Variants in PLEK2 observed in about 807,000 individuals in gnomAD.
PLEK2 encodes pleckstrin-2.
PLEK2 carries 29 observed loss-of-function variants against 43.8 expected under a neutral mutation model. That is an observed-to-expected ratio of 0.66 (90% confidence interval 0.49 to 0.90). PLEK2 has a LOEUF of 0.90. PLEK2 is among the 40% of genes least tolerant of loss of function. The pLI is 0.00. For synonymous variants in PLEK2, 162 were observed against 173.2 expected (o/e 0.94, Z 0.51); for missense variants, 398 against 448.1 (o/e 0.89, Z 1.01).
rs760799517 is a variant in PLEK2, at chr14:67,387,468, AAAG to A, written c.935-15_935-13del. 3.8e-6 allele frequency: 6 copies of A among 1,597,098 alleles called. No homozygotes were observed. The East Asian group carries it at 1.4e-4, about 36-fold the overall frequency. On this transcript the variant is annotated splice_polypyrimidine_tract_variant and intron_variant, in intron 8 of 8. Transcript: ENST00000216446. ...ATTCCCTTTAACCCCTAGGCAGAAA[AAAG>A]GGGGAAAAAAATCAGTGATTGAATA...
chr14:67,388,171 T>C, intron 8 of PLEK2, 53 bp downstream of exon 8: 1 of 1,132,400 alleles, frequency 8.8e-7, no homozygotes, highest in South Asian at 1.2e-5. Context: ...ATTACTGAGG[T>C]GCAGGAGGGA....
At chr14:67,392,590 C>T in intron 5 of PLEK2, 72 bp downstream of exon 5, 1 of 1,414,590 alleles carries the variant, frequency 7.1e-7, no homozygotes, top group African/African-American at 1.4e-5. Flanking sequence ...ACTGTGGCCC[C>T]CAGGCCCCCA....
At chr14:67,399,923 C>T (rs767245430) in intron 1 of PLEK2, among the ~76,000 whole-genome samples, 9 of 152,146 alleles carry the variant, frequency 5.9e-5, no homozygotes, top group Non-Finnish European at 1.2e-4. Context: ...TGGGATATTT[C>T]CAAAGCCGAG....
At chr14:67,408,323 A>ATAAAG (rs2086093991) in intron 1 of PLEK2, among the ~76,000 whole-genome samples, 1 of 144,480 alleles carries the variant, frequency 6.9e-6, no homozygotes. Context: ...ATAAAATAAA[A>ATAAAG]TAAAATAAAA....
intron 8 of PLEK2, 141 bp from the exon 9 acceptor site, chr14:67,387,597 A>C: frequency 1.2e-6 from 1 of 852,944 alleles, no homozygotes; most frequent in African/African-American, 1.8e-5. Context: ...CAGTTAGAGA[A>C]TCCTATCAGA....
chr14:67,392,565 A>C (rs1165872025), intron 5 of PLEK2, 97 bp downstream of exon 5: 1 of 1,278,622 alleles, frequency 7.8e-7, no homozygotes, highest in Admixed American at 1.8e-5. Context: ...CCCAAGCCCA[A>C]GGTCTCCTCC....
At position 67,412,088 on chromosome 14, in the gene PLEK2, A is replaced by C. The variant is rs534362123; in HGVS notation, c.-29T>G. ...GCCGCCCGCACGCCAGGGCCACCCC[A>C]GGTGCGCCTTCCCCGCGCCTCGCGC... On this transcript the variant is annotated 5_prime_UTR_variant, in exon 1 of 9. Transcript: ENST00000216446. The C allele has an allele frequency of 2.1e-5, 32 of 1,502,774 alleles. No homozygotes were observed. In the South Asian group the frequency reaches 3.8e-4, roughly 18 times the overall value. The allele number at this position is 1,502,774 out of a possible 1,614,324, so 93.1% of individuals were successfully genotyped here.
intron 2 of PLEK2, 55 bp from the exon 3 acceptor site, chr14:67,395,638 G>A (rs1039592244): frequency 5.7e-5 from 88 of 1,544,478 alleles, no homozygotes; most frequent in Middle Eastern, 1.8e-4. Flanking sequence ...AGAGGACGCC[G>A]GGCAGCAAAA....
At position 67,387,343 on chromosome 14, in the gene PLEK2, T is replaced by G; in HGVS notation, c.1048A>C (p.Lys350Gln). ...TCAGGTCCTTGTCATGTTAGCTTTT[T>G]GATAGCTTCAATCCACTCGGCTCGC... ...AERAEWIEAI[K>Q]KLT The change falls in exon 9 of 9, where the codon AAA becomes CAA. Residue 350 changes from lysine (K) to glutamine (Q), a missense_variant. Coordinates refer to ENST00000216446, the MANE Select transcript of PLEK2 (RefSeq NM_016445.3). 6.2e-7 allele frequency: 1 copy of G among 1,610,302 alleles called. No homozygotes were observed. The highest frequency in any genetic ancestry group is 8.5e-7 in the Non-Finnish European group (1 of 1,178,764).
chr14:67,411,933 C>G (rs1337312231), intron 1 of PLEK2, 85 bp downstream of exon 1: 3 of 1,272,968 alleles, frequency 2.4e-6, no homozygotes, highest in Non-Finnish European at 3.2e-6. Context: ...ATGCCCGTTC[C>G]GGGGCGCGCG....
Position 67,387,405 on chromosome 14 carries a change from T to C in PLEK2, c.986A>G (p.Asp329Gly). 6.2e-7 allele frequency: 1 copy of C among 1,610,828 alleles called. No homozygotes were observed. Among genetic ancestry groups the C allele is most frequent in the Non-Finnish European group, 8.5e-7 (1 of 1,178,702 alleles). ...GNLFKVITKD[D>G]THYYIQASSK... ...GCTGGCCTGAATGTAATAGTGTGTGTCATCCTTAGTAATCACTTTGAAGAG... is the reference window on the plus strand; with the variant it reads ...GCTGGCCTGAATGTAATAGTGTGTGCCATCCTTAGTAATCACTTTGAAGAG... The change falls in exon 9 of 9, where the codon GAC becomes GGC. Residue 329 changes from aspartate to glycine, a missense_variant. Transcript: ENST00000216446.
intron 1 of PLEK2, 121 bp downstream of exon 1, chr14:67,411,897 T>G: frequency 4.4e-6 from 4 of 899,042 alleles, no homozygotes; most frequent in Non-Finnish European, 6.5e-6. Flanking sequence ...GGTCCCACCA[T>G]GGGGGTTGGG....
intron 8 of PLEK2, 130 bp from the exon 9 acceptor site, chr14:67,387,586 A>G (rs749063688): frequency 4.2e-6 from 4 of 956,830 alleles, no homozygotes; most frequent in African/African-American, 1.7e-5. Context: ...TAAAAGGTTT[A>G]CAGTTAGAGA....
At chr14:67,407,628 A>G (rs1440873707) in intron 1 of PLEK2, among the ~76,000 whole-genome samples, 1 of 151,730 alleles carries the variant, frequency 6.6e-6, no homozygotes, top group African/African-American at 2.4e-5. Flanking sequence ...TTTTGTAGAG[A>G]TGAGTTCTCA....
chr14:67,409,860 C>A (rs1475795587), intron 1 of PLEK2, among the ~76,000 whole-genome samples: 1 of 152,180 alleles, frequency 6.6e-6, no homozygotes, highest in Non-Finnish European at 1.5e-5. Flanking sequence ...ATGCTATTGC[C>A]ATCTAAGAGT....
rs555396561 is a variant in PLEK2, at chr14:67,410,454, G to A, written c.42+1564C>T. Among the ~76,000 whole-genome samples the A allele has an allele frequency of 7.2e-5, 11 of 152,210 alleles. No homozygotes were observed. The East Asian group carries it at 2.1e-3, about 29-fold the overall frequency. The stretch of plus-strand genomic sequence containing the variant: ...AGGAGCTCCCCATGTGTAGTCTGAG[G>A]TGCAGCCACCTCCACATGCTGCGAG... On this transcript the variant is annotated intron_variant, in intron 1 of 8. Transcript: ENST00000216446.
chr14:67,405,290 T>C (rs2086071664), intron 1 of PLEK2, among the ~76,000 whole-genome samples: 1 of 152,008 alleles, frequency 6.6e-6, no homozygotes, highest in Non-Finnish European at 1.5e-5. Context: ...AGTACTGTTT[T>C]AGTTTGTTTA....
intron 2 of PLEK2, among the ~76,000 whole-genome samples, chr14:67,396,951 T>G (rs1293740666): frequency 1.3e-5 from 2 of 152,072 alleles, no homozygotes; most frequent in Non-Finnish European, 2.9e-5. Context: ...AGACTTTTTT[T>G]TTTTTTTTGA....
chr14:67,390,878 C>G (rs2085961620), intron 6 of PLEK2, 132 bp from the exon 7 acceptor site: 2 of 746,132 alleles, frequency 2.7e-6, no homozygotes, highest in African/African-American at 3.4e-5. Flanking sequence ...AACCAGTCCA[C>G]AGGAAACCTG....
Sources: gnomAD v4.1 joint callset for allele counts (sites outside exome capture counted in the v4.1 genomes callset) on GRCh38, gnomAD v4.1.1 for gene constraint, MANE v1.5 for transcripts, NCBI Gene and HGNC (gene_info 2026-07-23, HGNC 2026-07-21) for gene names.